Variants in DNAJB6 observed in about 807,000 individuals in gnomAD.
DNAJB6 encodes dnaJ homolog subfamily B member 6.
A neutral mutation model predicts 42.7 loss-of-function variants in DNAJB6; 16 were observed. The observed-to-expected ratio is 0.37, with a 90% confidence interval of 0.25 to 0.57. DNAJB6 has a LOEUF of 0.57. DNAJB6 is among the 20% of genes least tolerant of loss of function. The pLI, the probability that DNAJB6 is intolerant of heterozygous loss-of-function variation, is 0.74. For missense variants in DNAJB6, 347 were observed against 416.8 expected, an observed-to-expected ratio of 0.83 and a Z score of 1.46; for synonymous variants, 170 against 163.5, an observed-to-expected ratio of 1.04 and a Z score of -0.30.
chr7:157,365,918 C>T (rs899068594), intron 3 of DNAJB6, among the ~76,000 whole-genome samples: 2 of 151,856 alleles, frequency 1.3e-5, no homozygotes, highest in African/African-American at 4.8e-5. Context: ...CCCTTCTCGG[C>T]CTCTGAAAGT....
At chr7:157,400,675 G>A (rs1035449444) in intron 8 of DNAJB6, among the ~76,000 whole-genome samples, 12 of 152,262 alleles carry the variant, frequency 7.9e-5, no homozygotes, top group Non-Finnish European at 1.5e-4. Flanking sequence ...CGCCTGGCAC[G>A]TGTCAGCTGT....
chr7:157,366,309 A>G (rs896323031), intron 3 of DNAJB6, among the ~76,000 whole-genome samples, 193 bp from the exon 4 acceptor site: 9 of 152,076 alleles, frequency 5.9e-5, no homozygotes, highest in African/African-American at 9.7e-5. Flanking sequence ...ATTTTTTTTG[A>G]ATTGTTTTTC....
chr7:157,388,488 G>A lies in DNAJB6; in HGVS notation c.691+2877G>A, dbSNP rs138324969. 3.3e-5 allele frequency among the ~76,000 whole-genome samples: 5 copies of A among 152,316 alleles called. No homozygotes were observed. The East Asian group carries it at 5.8e-4, about 18-fold the overall frequency. On this transcript the variant is annotated intron_variant, in intron 8 of 9. Coordinates refer to ENST00000262177, the MANE Select transcript of DNAJB6 (RefSeq NM_058246.4). ...GAAGCTGAACGCTCCTTAACGGCAC[G>A]TATCTGGTTGTGCACAGCCCCATGT...
chr7:157,374,994 GT>G (rs1468888125), intron 5 of DNAJB6, among the ~76,000 whole-genome samples: 2 of 152,236 alleles, frequency 1.3e-5, no homozygotes, highest in Non-Finnish European at 2.9e-5. Context: ...TGGTCAACTT[GT>G]GGACAACTCC....
chr7:157,342,019 A>G (rs1007966274), intron 1 of DNAJB6, among the ~76,000 whole-genome samples: 2 of 152,096 alleles, frequency 1.3e-5, no homozygotes, highest in African/African-American at 4.8e-5. Context: ...GGCGTTCGCC[A>G]CTACACCTGG....
chr7:157,353,609 G>GTGTGTGTT (rs1799118439), intron 1 of DNAJB6, among the ~76,000 whole-genome samples: 1 of 147,894 alleles, frequency 6.8e-6, no homozygotes, highest in African/African-American at 2.5e-5. Context: ...GTGTGTGTGT[G>GTGTGTGTT]TGTGTGTGTG....
intron 8 of DNAJB6, among the ~76,000 whole-genome samples, chr7:157,397,406 C>T (rs1463474373): frequency 1.3e-5 from 2 of 152,200 alleles, no homozygotes; most frequent in Admixed American, 6.5e-5. Flanking sequence ...ACCTCTGTGT[C>T]GCTGCGGTGG....
chr7:157,386,497 C>T (rs1801065332), intron 8 of DNAJB6, among the ~76,000 whole-genome samples: 2 of 152,110 alleles, frequency 1.3e-5, no homozygotes, highest in Admixed American at 1.3e-4. Context: ...AGCAATTGAT[C>T]AAACATTTAA....
At chr7:157,364,271 C>T (rs1042433917) in intron 3 of DNAJB6, among the ~76,000 whole-genome samples, 1 of 152,058 alleles carries the variant, frequency 6.6e-6, no homozygotes, top group Non-Finnish European at 1.5e-5. Flanking sequence ...CAACAGCTAC[C>T]AGCACACCAC....
chr7:157,383,208 G>C (rs995395958), intron 6 of DNAJB6, among the ~76,000 whole-genome samples: 1 of 152,020 alleles, frequency 6.6e-6, no homozygotes, highest in South Asian at 2.1e-4. Flanking sequence ...GGTTTTTGTC[G>C]TGTTGGCCAG....
chr7:157,356,094 A>G (rs1799261542), intron 1 of DNAJB6, among the ~76,000 whole-genome samples: 1 of 152,136 alleles, frequency 6.6e-6, no homozygotes, highest in Admixed American at 6.5e-5. Flanking sequence ...GCCTCTTGCT[A>G]TATATAGTGC....
At chr7:157,372,745 C>T (rs1033607505) in intron 5 of DNAJB6, among the ~76,000 whole-genome samples, 5 of 152,238 alleles carry the variant, frequency 3.3e-5, no homozygotes, top group African/African-American at 1.2e-4. Context: ...GCTTAAACTA[C>T]CAAAATGTAC....
chr7:157,387,274 T>G (rs1439176976), intron 8 of DNAJB6, among the ~76,000 whole-genome samples: 3 of 151,984 alleles, frequency 2.0e-5, no homozygotes, highest in African/African-American at 7.3e-5. Context: ...GAACAACGAG[T>G]GATGTGCTTG....
chr7:157,351,417 C>A (rs952012507), intron 1 of DNAJB6, among the ~76,000 whole-genome samples: 14 of 151,800 alleles, frequency 9.2e-5, no homozygotes, highest in Non-Finnish European at 2.1e-4. Context: ...TCTACAAGGT[C>A]AGGAGATCGA....
intron 1 of DNAJB6, 138 bp from the exon 2 acceptor site, chr7:157,358,409 G>C: frequency 1.6e-6 from 1 of 612,034 alleles, no homozygotes; most frequent in Non-Finnish European, 2.9e-6. Context: ...CTAGTGGTTA[G>C]CTCTAGTGGA....
chr7:157,345,030 G>C (rs923899898), intron 1 of DNAJB6, among the ~76,000 whole-genome samples: 7 of 151,960 alleles, frequency 4.6e-5, no homozygotes, highest in Non-Finnish European at 1.0e-4. Context: ...TTTCGCCCTT[G>C]TTGCCCAGGC....
At chr7:157,385,061 C>G in intron 7 of DNAJB6, 53 bp downstream of exon 7, 1 of 1,568,436 alleles carries the variant, frequency 6.4e-7, no homozygotes, top group Non-Finnish European at 8.7e-7. Flanking sequence ...TAACGTTTCA[C>G]TGGTGCCATG....
At chr7:157,375,516 G>A (rs1436303729) in intron 5 of DNAJB6, among the ~76,000 whole-genome samples, 1 of 152,232 alleles carries the variant, frequency 6.6e-6, no homozygotes, top group African/African-American at 2.4e-5. Flanking sequence ...TATATGGGAA[G>A]CTGAAAATGG....
intron 8 of DNAJB6, among the ~76,000 whole-genome samples, chr7:157,400,573 C>T (rs1163685777): frequency 1.3e-5 from 2 of 152,248 alleles, no homozygotes; most frequent in Non-Finnish European, 2.9e-5. Flanking sequence ...GCTGTGTTTA[C>T]GTTCTTGGCT....
Sources: gnomAD v4.1 joint callset for allele counts (sites outside exome capture counted in the v4.1 genomes callset) on GRCh38, gnomAD v4.1.1 for gene constraint, MANE v1.5 for transcripts, NCBI Gene and HGNC (gene_info 2026-07-23, HGNC 2026-07-21) for gene names.